TTF2: variants seen among roughly 807,000 people sequenced by gnomAD.
TTF2 encodes the protein RNA polymerase II termination factor.
TTF2 carries 108 observed loss-of-function variants against 142.4 expected under a neutral mutation model. That is an observed-to-expected ratio of 0.76 (90% CI 0.65 to 0.89). TTF2 has a LOEUF of 0.89. TTF2 is among the 40% of genes least tolerant of loss of function. The probability of loss-of-function intolerance (pLI) is 0.00; values close to 1 mark genes in which losing one functional copy is unlikely to be tolerated. For synonymous variants in TTF2, 483 were observed against 506.2 expected (o/e 0.95, Z 0.61); for missense variants, 1,327 against 1,379.8 (o/e 0.96, Z 0.61).
intron 3 of TTF2, among the ~76,000 whole-genome samples, chr1:117,067,694 C>T (rs1188850986): frequency 1.3e-5 from 2 of 152,180 alleles, no homozygotes; most frequent in East Asian, 1.9e-4. Context: ...TGGATGATGG[C>T]TTCCTTAGTG....
rs766482479 is a variant in TTF2, at chr1:117,090,584, A to G, written c.2549A>G (p.Asp850Gly). The change falls in exon 15 of 23, where the codon GAT (aspartate) becomes GGT (glycine). Residue 850 changes from aspartate to glycine, a missense_variant. By Grantham distance (94) the Asp-to-Gly change is moderately conservative (BLOSUM62 -1). Coordinates refer to ENST00000369466, the MANE Select transcript of TTF2 (RefSeq NM_003594.4). The surrounding 1 kb of genome is among the most constrained non-coding windows in gnomAD (Gnocchi z 4.8). ...TTGCACCATTTAAAGCTTTCTGAAG[A>G]TGAAGAGACTGTTTACAATGTGTTT... ...FQLHHLKLSE[D>G]EETVYNVFFA... 7 of 1,613,934 alleles carry G rather than the reference A, an allele frequency of 4.3e-6. No individual in the cohort carries two copies. Among genetic ancestry groups the G allele is most frequent in the African/African-American group, 4.0e-5 (3 of 74,886 alleles).
Position 117,088,878 on chromosome 1 carries a change from AGTGCAGACTTCCATAGCTGT to A in TTF2, c.2242_2261del (p.Gln748Ter). On this transcript the variant is annotated frameshift_variant, in exon 13 of 23. Coordinates refer to ENST00000369466, the MANE Select transcript of TTF2 (RefSeq NM_003594.4). LOFTEE classifies it high-confidence loss of function. Reference sequence around the variant, plus strand: ...AAGCTCACAATGTTAAGAATCCCCGAGTGCAGACTTCCATAGCTGTGTGTAAGCTACAAGCCTGTGCCCGT... The same window carrying A: ...AAGCTCACAATGTTAAGAATCCCCGAGTGTAAGCTACAAGCCTGTGCCCGT... 2 of 1,614,216 alleles carry A rather than the reference AGTGCAGACTTCCATAGCTGT, an allele frequency of 1.2e-6. No individual in the cohort carries two copies. Among genetic ancestry groups the A allele is most frequent in the Non-Finnish European group, 1.7e-6 (2 of 1,180,038 alleles).
At chr1:117,071,675 G>C (rs1340836001) in intron 3 of TTF2, among the ~76,000 whole-genome samples, 2 of 152,066 alleles carry the variant, frequency 1.3e-5, no homozygotes, top group Non-Finnish European at 2.9e-5. Flanking sequence ...AAAAGTTTTT[G>C]AGGAGTTATT....
chr1:117,082,236 C>T (rs202105298), intron 10 of TTF2, among the ~76,000 whole-genome samples: 1 of 151,848 alleles, frequency 6.6e-6, no homozygotes, highest in African/African-American at 2.4e-5. Context: ...TTTTTTGAGA[C>T]AGGGTCTCGC....
At chr1:117,078,268 C>T (rs1023469413) in intron 8 of TTF2, among the ~76,000 whole-genome samples, 4 of 152,148 alleles carry the variant, frequency 2.6e-5, no homozygotes, top group Admixed American at 1.3e-4. Flanking sequence ...AGTAAAGGAT[C>T]CATTTGTTGA....
At position 117,092,334 on chromosome 1, in the gene TTF2, C is replaced by A. The variant is rs148783810; in HGVS notation, c.2805+384C>A. Among the ~76,000 whole-genome samples the A allele has an allele frequency of 6.6e-6, 1 of 152,188 alleles. No homozygotes were observed. Among genetic ancestry groups the A allele is most frequent in the Non-Finnish European group, 1.5e-5 (1 of 68,016 alleles). ...TCAGGCAGTTTTGGGGTTTTGGGTT[C>A]CAGTTATAAAAACTCAGATAGTTAT... is the stretch of plus-strand genomic sequence containing the variant. On this transcript the variant is annotated intron_variant, in intron 17 of 22. Coordinates refer to ENST00000369466, the MANE Select transcript of TTF2 (RefSeq NM_003594.4). This position sits in a 1 kb window ranked among gnomAD's most constrained non-coding sequence, Gnocchi z 4.4.
rs1249491493 is a variant in TTF2 at position 117,083,359 on chromosome 1, G to GCA, written c.1904-651_1904-650dup. On this transcript the variant is annotated intron_variant, in intron 10 of 22. Transcript: ENST00000369466. ...CTAGCAGTATGTGTAAGTAGCACAGGCACACACACGCAGAGATGAGGGGCC... is the reference window on the plus strand; with the variant it reads ...CTAGCAGTATGTGTAAGTAGCACAGGCACACACACACGCAGAGATGAGGGGCC... Among the ~76,000 whole-genome samples, 17 of 152,118 alleles carry GCA rather than the reference G, an allele frequency of 1.1e-4. 1 individual carries two copies. Among genetic ancestry groups the GCA allele is most frequent in the Admixed American group, 1.1e-3 (17 of 15,268 alleles).
chr1:117,062,506 T>G (rs1408048344), intron 3 of TTF2, 33 bp downstream of exon 3: 2 of 1,547,210 alleles, frequency 1.3e-6, no homozygotes, highest in Non-Finnish European at 1.7e-6. Context: ...TAAGTGTATT[T>G]GCTTTTTTTT....
At position 117,063,145 on chromosome 1, in the gene TTF2, C is replaced by T. The variant is rs1557797523; in HGVS notation, c.218+672C>T. 6.6e-6 allele frequency among the ~76,000 whole-genome samples: 1 copy of T among 152,088 alleles called. No homozygotes were observed. Among genetic ancestry groups the T allele is most frequent in the East Asian group, 1.9e-4 (1 of 5,196 alleles). ...TGGTCTTTGTGTGATATTCTATGCA[C>T]TTCATAATTTATATATTCTAGATCC... is the stretch of plus-strand genomic sequence containing the variant. On this transcript the variant is annotated intron_variant, in intron 3 of 22. Coordinates refer to ENST00000369466, the MANE Select transcript of TTF2 (RefSeq NM_003594.4). This position sits in a 1 kb window ranked among gnomAD's most constrained non-coding sequence, Gnocchi z 4.1.
rs1657021987 is a variant in TTF2, at chr1:117,076,546, T to C, written c.1391-95T>C. On this transcript the variant is annotated intron_variant, in intron 6 of 22. Coordinates refer to ENST00000369466, the MANE Select transcript of TTF2 (RefSeq NM_003594.4). This position sits in a 1 kb window ranked among gnomAD's most constrained non-coding sequence, Gnocchi z 4.6. ...CTCTAGGAATCCTTCATCGGAATGG[T>C]GATGATCCCTCTCTCTTGACCTCAC... 1 of 1,314,976 alleles carries C rather than the reference T, an allele frequency of 7.6e-7. No individual in the cohort carries two copies. Among genetic ancestry groups the C allele is most frequent in the Non-Finnish European group, 1.0e-6 (1 of 957,322 alleles). 81.5% of individuals were successfully genotyped at this position (1,314,976 alleles called of 1,614,324 possible).
In TTF2 at chr1:117,076,358, C is replaced by G. The variant is rs900552761; in HGVS notation, c.1390+64C>G. The G allele has an allele frequency of 4.6e-6, 6 of 1,313,640 alleles. No individual in the cohort carries two copies. Among genetic ancestry groups the G allele is most frequent in the Non-Finnish European group, 6.4e-6 (6 of 938,542 alleles). 81.4% of individuals were successfully genotyped at this position (1,313,640 alleles called of 1,614,324 possible). A position where few individuals can be genotyped will look rare whatever the true frequency, so the allele number is the denominator to read the frequency against. The stretch of plus-strand genomic sequence containing the variant: ...GACTTTACAAGAGACATTCGGGAAG[C>G]CCTTTTAATAAAGAATGTGTTGATT... On this transcript the variant is annotated intron_variant, in intron 6 of 22. Coordinates refer to ENST00000369466, the MANE Select transcript of TTF2 (RefSeq NM_003594.4). The surrounding 1 kb of genome is among the most constrained non-coding windows in gnomAD (Gnocchi z 4.6).
chr1:117,083,474 G>A (rs931931749), intron 10 of TTF2, among the ~76,000 whole-genome samples: 1 of 151,682 alleles, frequency 6.6e-6, no homozygotes, highest in Non-Finnish European at 1.5e-5. Context: ...TAAGGTAGAA[G>A]TACATTAAGT....
chr1:117,073,313 A>G lies in TTF2; in HGVS notation c.219-348A>G, dbSNP rs1289675. Reference sequence around the variant, plus strand: ...ACATTGCTTTGTAGCTAGTGTTGTGACCCCCCTTCAGGGACACACAGTGTC... The same window carrying G: ...ACATTGCTTTGTAGCTAGTGTTGTGGCCCCCCTTCAGGGACACACAGTGTC... On this transcript the variant is annotated intron_variant, in intron 3 of 22. Transcript: ENST00000369466. This position sits in a 1 kb window ranked among gnomAD's most constrained non-coding sequence, Gnocchi z 4.4. Among the ~76,000 whole-genome samples the G allele has an allele frequency of 0.88, 134,563 of 152,098 alleles. 59,856 individuals carry two copies. The highest frequency in any genetic ancestry group is 1 in the East Asian group (5,169 of 5,170).
intron 3 of TTF2, among the ~76,000 whole-genome samples, chr1:117,066,813 G>C (rs776163658): frequency 2.0e-4 from 30 of 149,660 alleles, no homozygotes; most frequent in African/African-American, 6.9e-4. Context: ...GGTGATTCTC[G>C]TGTCTCAGCC....
At position 117,076,351 on chromosome 1, in the gene TTF2, C is replaced by G; in HGVS notation, c.1390+57C>G. On this transcript the variant is annotated intron_variant, in intron 6 of 22. Coordinates refer to ENST00000369466, the MANE Select transcript of TTF2 (RefSeq NM_003594.4). The surrounding 1 kb of genome is among the most constrained non-coding windows in gnomAD (Gnocchi z 4.6). ...TTGCATCGACTTTACAAGAGACATT[C>G]GGGAAGCCCTTTTAATAAAGAATGT... 4.4e-6 allele frequency: 6 copies of G among 1,371,358 alleles called. No individual in the cohort carries two copies. Among genetic ancestry groups the G allele is most frequent in the Non-Finnish European group, 5.1e-6 (5 of 983,310 alleles). The allele number at this position is 1,371,358 out of a possible 1,614,324, so 84.9% of individuals were successfully genotyped here.
chr1:117,075,091 G>A lies in TTF2; in HGVS notation c.507G>A (p.Gln169=). 1 of 1,614,092 alleles carries A rather than the reference G, an allele frequency of 6.2e-7. No individual in the cohort carries two copies. The highest frequency in any genetic ancestry group is 8.5e-7 in the Non-Finnish European group (1 of 1,180,006). ...GDQLFDQKKE[Q]KPEMMEKDLS... ...AGCTTTTCGATCAAAAGAAAGAACA[G>A]AAGCCTGAAATGATGGAGAAAGACC... The change falls in exon 5 of 23, where the codon CAG becomes CAA. Residue 169 remains glutamine (Q), a synonymous_variant. Coordinates refer to ENST00000369466, the MANE Select transcript of TTF2 (RefSeq NM_003594.4). This position sits in a 1 kb window ranked among gnomAD's most constrained non-coding sequence, Gnocchi z 4.5.
rs929830411 is a variant in TTF2 at position 117,063,277 on chromosome 1, C to G, written c.218+804C>G. Among the ~76,000 whole-genome samples the G allele has an allele frequency of 6.6e-6, 1 of 152,112 alleles. No individual in the cohort carries two copies. The highest frequency in any genetic ancestry group is 1.5e-5 in the Non-Finnish European group (1 of 68,024). On this transcript the variant is annotated intron_variant, in intron 3 of 22. Coordinates refer to ENST00000369466, the MANE Select transcript of TTF2 (RefSeq NM_003594.4). This position sits in a 1 kb window ranked among gnomAD's most constrained non-coding sequence, Gnocchi z 4.1. ...TTAGTTATATGTATAGTAAGATACA[C>G]AAGTCTTAAGATTTCAACCAGTTGA...
intron 3 of TTF2, among the ~76,000 whole-genome samples, chr1:117,064,820 G>GTTTT (rs757750932): frequency 7.0e-6 from 1 of 143,016 alleles, no homozygotes; most frequent in Non-Finnish European, 1.5e-5. Context: ...CACCTGGCCT[G>GTTTT]TTTTTTTTTT....
chr1:117,083,350 G>A (rs918127716), intron 10 of TTF2, among the ~76,000 whole-genome samples: 1 of 152,016 alleles, frequency 6.6e-6, no homozygotes, highest in East Asian at 1.9e-4. Flanking sequence ...GTATGTGTAA[G>A]TAGCACAGGC....
Sources: gnomAD v4.1 joint callset for allele counts (sites outside exome capture counted in the v4.1 genomes callset) on GRCh38, gnomAD v4.1.1 for gene constraint, Gnocchi (gnomAD v3.1) non-coding constraint, MANE v1.5 for transcripts, NCBI Gene and HGNC (gene_info 2026-07-23, HGNC 2026-07-21) for gene names.